Variants in PIP5K1A observed in about 807,000 individuals in gnomAD.
The protein encoded by PIP5K1A is phosphatidylinositol 4-phosphate 5-kinase type-1 alpha.
In PIP5K1A, 46 loss-of-function variants were observed where a neutral mutation model predicts 72.9. That is an observed-to-expected ratio of 0.63 (90% confidence interval 0.50 to 0.81). PIP5K1A has a LOEUF of 0.81. Ranked by LOEUF, PIP5K1A falls within the 30% of genes least tolerant of loss-of-function variation. The pLI is 0.00. For missense variants in PIP5K1A, 458 were observed against 706.1 expected, an observed-to-expected ratio of 0.65 and a Z score of 3.98; for synonymous variants, 228 against 255.1, an observed-to-expected ratio of 0.89 and a Z score of 1.01.
intron 1 of PIP5K1A, among the ~76,000 whole-genome samples, chr1:151,208,416 A>G (rs1686267959): frequency 7.1e-6 from 1 of 141,688 alleles, no homozygotes; most frequent in Non-Finnish European, 1.5e-5. Context: ...GCTGGAGTGC[A>G]GTGGTGCAAT....
intron 1 of PIP5K1A, among the ~76,000 whole-genome samples, chr1:151,200,023 C>T (rs915129644): frequency 6.6e-6 from 1 of 151,962 alleles, no homozygotes; most frequent in African/African-American, 2.4e-5. Flanking sequence ...CTAAACTGCC[C>T]AACTTTGGGA....
At chr1:151,238,113 A>G in intron 9 of PIP5K1A, 69 bp from the exon 10 acceptor site, 1 of 923,286 alleles carries the variant, frequency 1.1e-6, no homozygotes. Context: ...TGTAGGTTTC[A>G]CTTCCCCATC....
intron 3 of PIP5K1A, among the ~76,000 whole-genome samples, chr1:151,226,452 C>T (rs1244472034): frequency 6.6e-6 from 1 of 152,000 alleles, no homozygotes; most frequent in African/African-American, 2.4e-5. Flanking sequence ...TGCCTCACAC[C>T]TATAATCCCA....
At chr1:151,200,512 G>A (rs367629651) in intron 1 of PIP5K1A, among the ~76,000 whole-genome samples, 92 of 152,046 alleles carry the variant, frequency 6.1e-4, no homozygotes, top group Middle Eastern at 3.2e-3. Flanking sequence ...TGGAATAGAC[G>A]CTGCCAGATG....
chr1:151,246,149 A>G (rs1175074073), intron 14 of PIP5K1A, among the ~76,000 whole-genome samples: 1 of 152,040 alleles, frequency 6.6e-6, no homozygotes, highest in African/African-American at 2.4e-5. Context: ...CAGGAGGCCG[A>G]GGCGAGAGAA....
intron 12 of PIP5K1A, among the ~76,000 whole-genome samples, chr1:151,241,111 T>C (rs1691619978): frequency 6.6e-6 from 1 of 151,718 alleles, no homozygotes; most frequent in Non-Finnish European, 1.5e-5. Flanking sequence ...TGCAGTGAAC[T>C]GAGATAGTGC....
intron 1 of PIP5K1A, among the ~76,000 whole-genome samples, chr1:151,221,961 C>T (rs1466958304): frequency 6.6e-6 from 1 of 152,054 alleles, no homozygotes; most frequent in African/African-American, 2.4e-5. Context: ...GTGGTACACA[C>T]CTGTAGTCCC....
intron 4 of PIP5K1A, among the ~76,000 whole-genome samples, chr1:151,231,411 C>T (rs1000216773): frequency 2.3e-4 from 35 of 152,018 alleles, no homozygotes; most frequent in African/African-American, 8.5e-4. Context: ...GGAGGGAGCA[C>T]CTTGCCTAGC....
At chr1:151,213,790 C>G (rs995054711) in intron 1 of PIP5K1A, among the ~76,000 whole-genome samples, 1 of 151,826 alleles carries the variant, frequency 6.6e-6, no homozygotes, top group African/African-American at 2.4e-5. Flanking sequence ...TAGTGGTTTA[C>G]TGGGAAAAAT....
rs34496525 is a variant in PIP5K1A at position 151,208,998 on chromosome 1, C to T, written c.85+9917C>T. On this transcript the variant is annotated intron_variant, in intron 1 of 15. Transcript: ENST00000368888. ...CTGCCTGCCTCGGCCTCCCAAGGTG[C>T]TGGGATTACAGGCGTGAGCCACTGC... Among the ~76,000 whole-genome samples the T allele has an allele frequency of 5.9e-3, 885 of 150,792 alleles. 3 individuals carry two copies. Among genetic ancestry groups the T allele is most frequent in the Non-Finnish European group, 0.01 (692 of 67,816 alleles).
chr1:151,238,948 C>G (rs1691263974), intron 10 of PIP5K1A, among the ~76,000 whole-genome samples, 182 bp from the exon 11 acceptor site: 1 of 152,214 alleles, frequency 6.6e-6, no homozygotes, highest in Non-Finnish European at 1.5e-5. Flanking sequence ...CAACATTGGT[C>G]TCTGTGATGA....
At chr1:151,220,473 CT>C (rs879399637) in intron 1 of PIP5K1A, among the ~76,000 whole-genome samples, 200 of 143,040 alleles carry the variant, frequency 1.4e-3, no homozygotes, top group Middle Eastern at 7.4e-3. Context: ...TACCACCTAG[CT>C]TTTTTTTTTT....
Position 151,248,607 on chromosome 1 carries a change from A to C in PIP5K1A, c.*742A>C, listed in dbSNP as rs1692813105. The C allele has an allele frequency of 6.6e-6, 1 of 152,634 alleles. No homozygotes were observed. The highest frequency in any genetic ancestry group is 2.4e-5 in the African/African-American group (1 of 41,438). 9.5% of individuals were successfully genotyped at this position (152,634 alleles called of 1,614,324 possible). Reference sequence around the variant, plus strand: ...TGAATTTCTTAAGGCTGAAGGAATGAAGAGAGTGGGACATGGGGTAATCTT... The same window carrying C: ...TGAATTTCTTAAGGCTGAAGGAATGCAGAGAGTGGGACATGGGGTAATCTT... On this transcript the variant is annotated 3_prime_UTR_variant, in exon 16 of 16. Coordinates refer to ENST00000368888, the MANE Select transcript of PIP5K1A (RefSeq NM_001135638.2).
chr1:151,240,367 C>T (rs944495356), intron 12 of PIP5K1A: 9 of 297,958 alleles, frequency 3.0e-5, no homozygotes, highest in Middle Eastern at 1.0e-3. Context: ...AGCCTATGTA[C>T]AGAGATACGC....
At chr1:151,217,786 T>A (rs1398153390) in intron 1 of PIP5K1A, among the ~76,000 whole-genome samples, 1 of 151,974 alleles carries the variant, frequency 6.6e-6, no homozygotes, top group Non-Finnish European at 1.5e-5. Flanking sequence ...TTTTTTTAAA[T>A]TTTTTATTTT....
At chr1:151,217,801 A>C (rs1687853073) in intron 1 of PIP5K1A, among the ~76,000 whole-genome samples, 1 of 151,236 alleles carries the variant, frequency 6.6e-6, no homozygotes, top group Non-Finnish European at 1.5e-5. Context: ...TATTTTTGAG[A>C]TGGAGTCTTG....
intron 1 of PIP5K1A, among the ~76,000 whole-genome samples, chr1:151,218,427 T>C (rs1570840220): frequency 6.6e-6 from 1 of 152,172 alleles, no homozygotes; most frequent in South Asian, 2.1e-4. Flanking sequence ...GAGGGAAGAA[T>C]ATATGTCTTC....
At chr1:151,221,465 A>G (rs1553294252) in intron 1 of PIP5K1A, among the ~76,000 whole-genome samples, 1 of 152,152 alleles carries the variant, frequency 6.6e-6, no homozygotes, top group Non-Finnish European at 1.5e-5. Flanking sequence ...CTCCTCTCTT[A>G]TAGTACGTGC....
intron 1 of PIP5K1A, among the ~76,000 whole-genome samples, chr1:151,202,484 T>G (rs894734119): frequency 6.6e-6 from 1 of 152,164 alleles, no homozygotes; most frequent in Non-Finnish European, 1.5e-5. Context: ...CTTTTTTCTC[T>G]TTTTTTAGGT....
Sources: gnomAD v4.1 joint callset for allele counts (sites outside exome capture counted in the v4.1 genomes callset) on GRCh38, gnomAD v4.1.1 for gene constraint, MANE v1.5 for transcripts, NCBI Gene and HGNC (gene_info 2026-07-23, HGNC 2026-07-21) for gene names.